Variants in AGTPBP1 observed in about 807,000 individuals in gnomAD.
The protein encoded by AGTPBP1 is ATP/GTP binding carboxypeptidase 1, also known as cytosolic carboxypeptidase 1.
AGTPBP1 carries 70 observed loss-of-function variants against 143.9 expected under a neutral mutation model. That is an observed-to-expected ratio of 0.49 (90% CI 0.40 to 0.59). The LOEUF is 0.59. Among genes scored for constraint, AGTPBP1 ranks in the 20% least tolerant of loss-of-function variants. The pLI is 0.00. For missense variants in AGTPBP1, 1,229 were observed against 1,464.5 expected, an observed-to-expected ratio of 0.84 and a Z score of 2.62; for synonymous variants, 463 against 500.2, an observed-to-expected ratio of 0.93 and a Z score of 0.99.
chr9:85,672,732 AT>A (rs35158140), intron 6 of AGTPBP1, 51 bp from the exon 7 acceptor site: 199,639 of 909,992 alleles, frequency 0.22, 1,089 homozygotes, highest in East Asian at 0.27. Context: ...TTTCTTTTTA[AT>A]TTTTTTTTTT....
chr9:85,673,596 T>C (rs535540711), intron 6 of AGTPBP1, among the ~76,000 whole-genome samples: 47 of 152,094 alleles, frequency 3.1e-4, no homozygotes, highest in African/African-American at 1.1e-3. Context: ...GTAAAAAAAA[T>C]TTTAAATAAG....
intron 2 of AGTPBP1, among the ~76,000 whole-genome samples, chr9:85,701,193 T>G (rs1836627596): frequency 6.6e-6 from 1 of 151,866 alleles, no homozygotes; most frequent in South Asian, 2.1e-4. Context: ...ATTACAGACA[T>G]GAGCCACCAC....
chr9:85,551,760 T>C (rs1015942544), intron 25 of AGTPBP1, among the ~76,000 whole-genome samples: 35 of 152,198 alleles, frequency 2.3e-4, no homozygotes, highest in African/African-American at 7.7e-4. Context: ...AATGCTTTCA[T>C]AGACATTATT....
chr9:85,710,423 GA>G (rs1837291353), intron 2 of AGTPBP1, among the ~76,000 whole-genome samples: 1 of 151,924 alleles, frequency 6.6e-6, no homozygotes, highest in Non-Finnish European at 1.5e-5. Flanking sequence ...TTTGAAGAAA[GA>G]AAAAAATTCA....
intron 2 of AGTPBP1, among the ~76,000 whole-genome samples, chr9:85,695,102 A>AT (rs901131982): frequency 5.5e-4 from 84 of 152,046 alleles, no homozygotes; most frequent in African/African-American, 1.9e-3. Flanking sequence ...CCACACAGTA[A>AT]TTTTTTTTAA....
At chr9:85,595,718 G>T (rs1374902031) in intron 18 of AGTPBP1, among the ~76,000 whole-genome samples, 3 of 151,940 alleles carry the variant, frequency 2.0e-5, no homozygotes, top group African/African-American at 4.8e-5. Flanking sequence ...GTACAGACAG[G>T]GTTTCACCAT....
At chr9:85,584,083 CTCT>C (rs375561874) in intron 23 of AGTPBP1, among the ~76,000 whole-genome samples, 1 of 152,008 alleles carries the variant, frequency 6.6e-6, no homozygotes, top group African/African-American at 2.4e-5. Flanking sequence ...TGTGCATATG[CTCT>C]TCATCTAGCT....
chr9:85,561,386 CAA>C (rs57157743), intron 25 of AGTPBP1, among the ~76,000 whole-genome samples: 23 of 70,038 alleles, frequency 3.3e-4, no homozygotes, highest in Admixed American at 3.3e-4. Context: ...GGCTCCATCT[CAA>C]AAAAAAAAAA....
intron 17 of AGTPBP1, among the ~76,000 whole-genome samples, chr9:85,597,078 T>G (rs1358134436): frequency 6.6e-6 from 1 of 152,140 alleles, no homozygotes; most frequent in Non-Finnish European, 1.5e-5. Flanking sequence ...ACAATTTTTA[T>G]TGAGATCTGG....
the AGTPBP1 span, among the ~76,000 whole-genome samples, chr9:85,773,250 G>C: frequency 3.3e-5 from 3 of 91,358 alleles, no homozygotes; most frequent in African/African-American, 1.3e-4. Context: ...GGGTGACAGA[G>C]AGAGACTCCT....
chr9:85,655,003 T>C, intron 11 of AGTPBP1, 140 bp downstream of exon 11: 1 of 752,924 alleles, frequency 1.3e-6, no homozygotes, highest in South Asian at 2.8e-5. Context: ...AAGAAATGCT[T>C]AACTAAAATA....
At chr9:85,644,308 T>C (rs1832680674) in intron 12 of AGTPBP1, among the ~76,000 whole-genome samples, 1 of 151,798 alleles carries the variant, frequency 6.6e-6, no homozygotes, top group Non-Finnish European at 1.5e-5. Flanking sequence ...TAACATCTAA[T>C]AGAATACATA....
chr9:85,767,723 C>A, the AGTPBP1 span, among the ~76,000 whole-genome samples: 1 of 152,146 alleles, frequency 6.6e-6, no homozygotes, highest in Non-Finnish European at 1.5e-5. Flanking sequence ...CTCAAGTGAT[C>A]CACCCACCTC....
chr9:85,552,545 T>G (rs2118432827), intron 25 of AGTPBP1, among the ~76,000 whole-genome samples: 1 of 152,290 alleles, frequency 6.6e-6, no homozygotes. Context: ...ATTCACCAGT[T>G]GTATGACCCA....
intron 17 of AGTPBP1, among the ~76,000 whole-genome samples, chr9:85,596,912 C>T (rs889710238): frequency 4.6e-5 from 7 of 152,142 alleles, no homozygotes; most frequent in African/African-American, 1.2e-4. Context: ...GGAGAGAAAA[C>T]GAAGAGGGAC....
the AGTPBP1 span, among the ~76,000 whole-genome samples, chr9:85,759,419 G>A: frequency 1.6e-4 from 25 of 151,928 alleles, no homozygotes; most frequent in East Asian, 5.8e-4. Flanking sequence ...ATAACAAACT[G>A]TCTCTCAGAC....
At chr9:85,799,013 G>A in the AGTPBP1 span, among the ~76,000 whole-genome samples, 4 of 152,088 alleles carry the variant, frequency 2.6e-5, no homozygotes, top group African/African-American at 9.7e-5. Context: ...CCTGGTGTAT[G>A]ATGTTCCCCG....
chr9:85,663,614 G>A (rs1833964782), intron 8 of AGTPBP1, among the ~76,000 whole-genome samples: 1 of 147,454 alleles, frequency 6.8e-6, no homozygotes. Flanking sequence ...CCATAATGAT[G>A]GGGGAAAAAA....
In AGTPBP1 at chr9:85,633,160, T is replaced by C; in HGVS notation, c.1517A>G (p.Asp506Gly). The change falls in exon 14 of 26, where the codon GAT (aspartate) becomes GGT (glycine). Residue 506 changes from aspartate (D) to glycine (G), a missense_variant. Asp to Gly is a moderately conservative substitution (Grantham distance 94). This residue lies in a region of AGTPBP1 where 743 missense variants were observed against 812.2 expected (regional missense o/e 0.91). Transcript: ENST00000357081. The stretch of plus-strand genomic sequence containing the variant: ...ACCTGGCTGCTGTTGTAATGTTCTA[T>C]CATTATCTTTAATATCTTCTTTTGC... Reference protein sequence around the residue: ...DLAKEDIKDNDRTLQQQPGDQ... With the variant: ...DLAKEDIKDNGRTLQQQPGDQ... 1.2e-6 allele frequency: 2 copies of C among 1,613,700 alleles called. No individual in the cohort carries two copies. Among genetic ancestry groups the C allele is most frequent in the Non-Finnish European group, 1.7e-6 (2 of 1,179,896 alleles).
Sources: allele counts gnomAD v4.1 joint callset (sites outside exome capture counted in the v4.1 genomes callset), GRCh38; gene constraint gnomAD v4.1.1; regional missense constraint gnomAD v4.1.1; transcripts MANE v1.5; gene names NCBI Gene and HGNC (gene_info 2026-07-23, HGNC 2026-07-21).